ASIC2: variants seen among roughly 807,000 people sequenced by gnomAD.
ASIC2 encodes acid sensing ion channel subunit 2.
Under a neutral mutation model 57.3 loss-of-function variants are expected in ASIC2, and 25 were observed. That is an observed-to-expected ratio of 0.44 (90% CI 0.32 to 0.61). The LOEUF (loss-of-function observed/expected upper bound fraction) is 0.61. Among genes scored for constraint, ASIC2 ranks in the 20% least tolerant of loss-of-function variants. ASIC2 has a pLI of 0.06. For missense variants in ASIC2, 641 were observed against 738.1 expected (o/e 0.87, Z 1.52); for synonymous variants, 319 against 307.5 (o/e 1.04, Z -0.39).
At chr17:33,847,500 C>G (rs1913641284) in intron 1 of ASIC2, among the ~76,000 whole-genome samples, 1 of 152,120 alleles carries the variant, frequency 6.6e-6, no homozygotes, top group African/African-American at 2.4e-5. Context: ...CTGCTCATGG[C>G]TAGGCACACA....
intron 1 of ASIC2, among the ~76,000 whole-genome samples, chr17:33,543,881 G>A (rs1439159925): frequency 1.3e-5 from 2 of 152,162 alleles, no homozygotes; most frequent in South Asian, 2.1e-4. Flanking sequence ...GCTTACAGGG[G>A]AATAATTTAT....
intron 1 of ASIC2, among the ~76,000 whole-genome samples, chr17:33,260,539 C>T (rs891271330): frequency 5.3e-5 from 8 of 152,222 alleles, no homozygotes; most frequent in Admixed American, 2.6e-4. Flanking sequence ...AACGGCCACA[C>T]TATGGATCGC....
intron 1 of ASIC2, among the ~76,000 whole-genome samples, chr17:33,259,522 C>T (rs1909204981): frequency 6.6e-6 from 1 of 151,996 alleles, no homozygotes; most frequent in Non-Finnish European, 1.5e-5. Flanking sequence ...GTGTGCATAT[C>T]ATTGCCAGGC....
rs573973319 is a variant in ASIC2, at chr17:34,027,585, T to A, written c.555+128393A>T. On this transcript the variant is annotated intron_variant, in intron 1 of 9. Transcript: ENST00000359872. ...TAGTTGCATACTATTTCAGTTCAGA[T>A]ACAACTTCTTTTGTACACTGCTAGT... 2.2e-3 allele frequency among the ~76,000 whole-genome samples: 341 copies of A among 152,368 alleles called. 2 individuals carry two copies. Among genetic ancestry groups the A allele is most frequent in the African/African-American group, 7.8e-3 (325 of 41,584 alleles).
chr17:33,034,525 CA>C (rs1477464243), intron 3 of ASIC2, among the ~76,000 whole-genome samples: 1 of 152,092 alleles, frequency 6.6e-6, no homozygotes, highest in Non-Finnish European at 1.5e-5. Context: ...AACAAACACC[CA>C]AAACCAACTT....
At chr17:33,366,553 C>T (rs1908816432) in intron 1 of ASIC2, among the ~76,000 whole-genome samples, 1 of 152,192 alleles carries the variant, frequency 6.6e-6, no homozygotes, top group East Asian at 1.9e-4. Context: ...ACATCTTCTC[C>T]CTCAAATCTA....
At chr17:34,087,020 G>A (rs4283268) in intron 1 of ASIC2, among the ~76,000 whole-genome samples, 27,111 of 151,924 alleles carry the variant, frequency 0.18, 3,040 homozygotes, top group African/African-American at 0.32. Flanking sequence ...CTTTTAATTG[G>A]AGCATTTAGT....
chr17:33,883,224 C>G (rs2348157), intron 1 of ASIC2, among the ~76,000 whole-genome samples: 19,281 of 151,928 alleles, frequency 0.13, 1,301 homozygotes, highest in South Asian at 0.21. Flanking sequence ...TGCACATGTA[C>G]CCTAAAACTT....
At chr17:33,277,599 C>G (rs973655635) in intron 1 of ASIC2, among the ~76,000 whole-genome samples, 5 of 152,204 alleles carry the variant, frequency 3.3e-5, no homozygotes, top group South Asian at 4.1e-4. Flanking sequence ...TGAGGAAACT[C>G]TATCTGAACA....
At chr17:33,035,067 AG>A (rs1229312212) in intron 3 of ASIC2, among the ~76,000 whole-genome samples, 1 of 151,966 alleles carries the variant, frequency 6.6e-6, no homozygotes, top group Non-Finnish European at 1.5e-5. Flanking sequence ...CCTGTGCTCA[AG>A]TTTGGCATTC....
At chr17:33,787,686 G>T (rs1000538441) in intron 1 of ASIC2, among the ~76,000 whole-genome samples, 7 of 152,222 alleles carry the variant, frequency 4.6e-5, no homozygotes, top group African/African-American at 1.7e-4. Flanking sequence ...TGTATCAGTA[G>T]TTTCTGCACA....
Position 33,013,424 on chromosome 17 carries a change from C to T in ASIC2, c.*541G>A, listed in dbSNP as rs1278100762. 1 of 155,190 alleles carries T rather than the reference C, an allele frequency of 6.4e-6. No homozygotes were observed. The highest frequency in any genetic ancestry group is 1.4e-5 in the Non-Finnish European group (1 of 69,494). The allele number at this position is 155,190 out of a possible 1,614,324, so 9.6% of individuals were successfully genotyped here. A position where few individuals can be genotyped will look rare whatever the true frequency, so the allele number is the denominator to read the frequency against. On this transcript the variant is annotated 3_prime_UTR_variant, in exon 10 of 10. Transcript: ENST00000225823. The stretch of plus-strand genomic sequence containing the variant: ...GCGGGTCACCTTTGGCGCCGAAGCC[C>T]CATGGGCAGCTTGGGGAAAAGGGGG...
At chr17:33,879,966 C>G (rs1252312789) in intron 1 of ASIC2, among the ~76,000 whole-genome samples, 1 of 152,186 alleles carries the variant, frequency 6.6e-6, no homozygotes, top group East Asian at 1.9e-4. Flanking sequence ...CAAAACTGCT[C>G]AACTACATGG....
At chr17:33,730,194 C>T (rs1275413802) in intron 1 of ASIC2, among the ~76,000 whole-genome samples, 2 of 152,132 alleles carry the variant, frequency 1.3e-5, no homozygotes, top group African/African-American at 4.8e-5. Flanking sequence ...AAAATGCTTT[C>T]CTACCTTTTT....
rs147876842 is a variant in ASIC2, at chr17:33,349,893, G to A, written c.556-237826C>T. Among the ~76,000 whole-genome samples, 90 of 151,346 alleles carry A rather than the reference G, an allele frequency of 5.9e-4. No homozygotes were observed. The East Asian group carries it at 0.017, about 28-fold the overall frequency. ...CTGACTAGTAGATAAGTGGTAGTCG[G>A]CACTCAAAATTTAAGAACAATTTAT... is the stretch of plus-strand genomic sequence containing the variant. On this transcript the variant is annotated intron_variant, in intron 1 of 9. Coordinates refer to the ASIC2 transcript ENST00000359872.
chr17:33,725,539 G>A (rs1909522618), intron 1 of ASIC2, among the ~76,000 whole-genome samples: 1 of 152,158 alleles, frequency 6.6e-6, no homozygotes, highest in South Asian at 2.1e-4. Flanking sequence ...CTCAGTGCCT[G>A]CATTTTAAAA....
At chr17:34,135,045 CACAG>C (rs1912090491) in intron 1 of ASIC2, among the ~76,000 whole-genome samples, 1 of 152,202 alleles carries the variant, frequency 6.6e-6, no homozygotes, top group Non-Finnish European at 1.5e-5. Context: ...TTTGAGACCC[CACAG>C]ACAGGCTTGT....
chr17:34,115,376 T>C (rs1347259335), intron 1 of ASIC2, among the ~76,000 whole-genome samples: 1 of 152,166 alleles, frequency 6.6e-6, no homozygotes, highest in Non-Finnish European at 1.5e-5. Context: ...TAGAATCTCC[T>C]TAATGTTGCC....
At chr17:33,198,314 T>C (rs1171058060) in intron 1 of ASIC2, among the ~76,000 whole-genome samples, 1 of 152,106 alleles carries the variant, frequency 6.6e-6, no homozygotes, top group Non-Finnish European at 1.5e-5. Context: ...TTTGCACCAC[T>C]GCACTCCAGT....
Sources: gnomAD v4.1 joint callset for allele counts (sites outside exome capture counted in the v4.1 genomes callset) on GRCh38, gnomAD v4.1.1 for gene constraint, MANE v1.5 for transcripts, NCBI Gene and HGNC (gene_info 2026-07-23, HGNC 2026-07-21) for gene names.